The following ASTN1 variants were observed in gnomAD, a reference collection of about 807,000 sequenced individuals.
ASTN1 encodes the protein astrotactin-1.
Under a neutral mutation model 140.7 loss-of-function variants are expected in ASTN1, and 41 were observed. The observed-to-expected ratio is 0.29, with a 90% CI of 0.23 to 0.38. The LOEUF (loss-of-function observed/expected upper bound fraction) is 0.38, where lower values mean the gene tolerates loss of function less well. Among genes scored for constraint, ASTN1 ranks in the 10% least tolerant of loss-of-function variants. The pLI is 1.00. For synonymous variants in ASTN1, 640 were observed against 652.2 expected, an observed-to-expected ratio of 0.98 and a Z score of 0.29; for missense variants, 1,479 against 1,678.8, an observed-to-expected ratio of 0.88 and a Z score of 2.08.
At chr1:177,011,163 C>T (rs538727239) in intron 8 of ASTN1, among the ~76,000 whole-genome samples, 9 of 152,212 alleles carry the variant, frequency 5.9e-5, no homozygotes, top group South Asian at 4.2e-4. Flanking sequence ...CTCATGTCTC[C>T]GTACCTTTCT....
intron 2 of ASTN1, among the ~76,000 whole-genome samples, chr1:177,046,526 G>A (rs968160700): frequency 6.6e-6 from 1 of 152,180 alleles, no homozygotes; most frequent in African/African-American, 2.4e-5. Context: ...CGGGCTCTGG[G>A]AGGGGCCCTC....
At chr1:177,001,259 T>C (rs1187704133) in intron 8 of ASTN1, among the ~76,000 whole-genome samples, 1 of 152,224 alleles carries the variant, frequency 6.6e-6, no homozygotes, top group Admixed American at 6.5e-5. Flanking sequence ...TCTGCCTTCA[T>C]GGAATTTACA....
In ASTN1 at chr1:177,015,064, A is replaced by T. The variant is rs150030797; in HGVS notation, c.1439-189T>A. ...CTCACATAAATGAATACTCCAACCA[A>T]TCTCTCCCTTCTCCAGTGTGTGATA... On this transcript the variant is annotated intron_variant, in intron 7 of 22. Coordinates refer to ENST00000361833, the MANE Select transcript of ASTN1 (RefSeq NM_004319.3). Among the ~76,000 whole-genome samples the T allele has an allele frequency of 5.9e-5, 9 of 152,232 alleles. No individual in the cohort carries two copies. In the East Asian group the frequency reaches 1.7e-3, roughly 29 times the overall value.
intron 18 of ASTN1, 127 bp downstream of exon 18, chr1:176,887,944 C>A: frequency 7.6e-7 from 1 of 1,322,198 alleles, no homozygotes; most frequent in Non-Finnish European, 1.0e-6. Flanking sequence ...AGATTGAAAG[C>A]TCTCTAAAGG....
chr1:177,012,024 C>T lies in ASTN1; in HGVS notation c.1523+2767G>A, dbSNP rs137905825. Among the ~76,000 whole-genome samples, 421 of 152,206 alleles carry T rather than the reference C, an allele frequency of 2.8e-3. 4 individuals are homozygous for T. The Middle Eastern group carries it at 0.034, about 12-fold the overall frequency. ...AGGAATGTTCAGCTATTTTAATGTA[C>T]GCAATACAAGAATATGAAGTGAAAA... is the stretch of plus-strand genomic sequence containing the variant. On this transcript the variant is annotated intron_variant, in intron 8 of 22. Coordinates refer to ENST00000361833, the MANE Select transcript of ASTN1 (RefSeq NM_004319.3).
chr1:176,857,693 G>C, downstream of ASTN1: 1 of 543,262 alleles, frequency 1.8e-6, no homozygotes, highest in South Asian at 2.8e-5. Context: ...TAGTTTATAA[G>C]AGTCAGCACT....
intron 16 of ASTN1, among the ~76,000 whole-genome samples, chr1:176,911,291 A>T (rs1007723973): frequency 6.6e-6 from 1 of 152,020 alleles, no homozygotes; most frequent in Non-Finnish European, 1.5e-5. Context: ...ATTACAGTAC[A>T]CTCCTGCAGA....
intron 1 of ASTN1, among the ~76,000 whole-genome samples, chr1:177,116,639 C>G (rs1487320643): frequency 2.0e-5 from 3 of 152,100 alleles, no homozygotes; most frequent in African/African-American, 7.2e-5. Flanking sequence ...TCCTGTAATG[C>G]CTTCTGCCTC....
chr1:177,075,363 C>T (rs1055982832), intron 1 of ASTN1, among the ~76,000 whole-genome samples: 9 of 151,448 alleles, frequency 5.9e-5, no homozygotes, highest in Admixed American at 3.9e-4. Context: ...TGAGCCACTG[C>T]GCCCAGCCAT....
downstream of ASTN1, among the ~76,000 whole-genome samples, chr1:176,860,005 G>A (rs1442167243): frequency 2.0e-5 from 3 of 152,186 alleles, no homozygotes; most frequent in East Asian, 5.8e-4. Flanking sequence ...TCTTTGGCAT[G>A]GTTATCTGAG....
At chr1:177,115,326 T>C (rs1681030061) in intron 1 of ASTN1, among the ~76,000 whole-genome samples, 1 of 152,272 alleles carries the variant, frequency 6.6e-6, no homozygotes, top group Non-Finnish European at 1.5e-5. Context: ...TATGAGAAGA[T>C]ACATGTGCAA....
intron 8 of ASTN1, among the ~76,000 whole-genome samples, chr1:177,012,401 C>G (rs572609937): frequency 6.6e-5 from 10 of 152,270 alleles, no homozygotes; most frequent in Admixed American, 4.6e-4. Flanking sequence ...CTCCTGGTTC[C>G]ATTATCCTCA....
chr1:176,894,526 G>T (rs1669409155), intron 17 of ASTN1, 36 bp downstream of exon 17: 1 of 1,603,554 alleles, frequency 6.2e-7, no homozygotes, highest in African/African-American at 1.3e-5. Flanking sequence ...TGTTGTGGTT[G>T]ACGCCTCCCA....
In ASTN1 at chr1:176,944,099, C is replaced by T. The variant is rs143027888; in HGVS notation, c.2250-81G>A. ...TGAGCATTTTTTTTTTTTTTTGAGA[C>T]GGAGTTTCACTCTTGTTGCCCAGGC... On this transcript the variant is annotated intron_variant, in intron 13 of 22. Coordinates refer to ENST00000361833, the MANE Select transcript of ASTN1 (RefSeq NM_004319.3). 1,264 of 1,498,544 alleles carry T rather than the reference C, an allele frequency of 8.4e-4. 12 individuals are homozygous for T. The highest frequency in any genetic ancestry group is 5.5e-3 in the African/African-American group (383 of 69,488). The allele number at this position is 1,498,544 out of a possible 1,614,324, so 92.8% of individuals were successfully genotyped here.
rs907460564 is a variant in ASTN1, at chr1:176,958,374, C to T, written c.1707G>A (p.Met569Ile). The change falls in exon 10 of 23, where the codon ATG (methionine) becomes ATA (isoleucine). Residue 569 changes from methionine to isoleucine, a missense_variant. This residue lies in a region of ASTN1 where 729 missense variants were observed against 860.4 expected (regional missense o/e 0.85). Coordinates refer to ENST00000361833, the MANE Select transcript of ASTN1 (RefSeq NM_004319.3). The stretch of plus-strand genomic sequence containing the variant: ...CCTCCACAGCATCCTCCATCACAGT[C>T]ATGTCCGTCTTGCACTTTGCTGATG... ...INPSAKCKTDMTVMEDAVEVR... is the reference protein window; with the variant it reads ...INPSAKCKTDITVMEDAVEVR... 2 of 1,614,000 alleles carry T rather than the reference C, an allele frequency of 1.2e-6. No individual in the cohort carries two copies. The highest frequency in any genetic ancestry group is 1.3e-5 in the African/African-American group (1 of 74,936).
At chr1:176,972,832 A>C (rs542759006) in intron 8 of ASTN1, among the ~76,000 whole-genome samples, 1 of 152,220 alleles carries the variant, frequency 6.6e-6, no homozygotes, top group Non-Finnish European at 1.5e-5. Flanking sequence ...GTGTAAGTGC[A>C]GGAGCCAGAC....
intron 1 of ASTN1, among the ~76,000 whole-genome samples, chr1:177,121,896 G>A (rs1681406681): frequency 6.6e-6 from 1 of 152,208 alleles, no homozygotes; most frequent in African/African-American, 2.4e-5. Flanking sequence ...TGGTGGCCCT[G>A]CTGGCAGTGC....
At chr1:177,059,270 C>A (rs1401722730) in intron 2 of ASTN1, among the ~76,000 whole-genome samples, 1 of 152,022 alleles carries the variant, frequency 6.6e-6, no homozygotes, top group Non-Finnish European at 1.5e-5. Flanking sequence ...TTAGTCAGAC[C>A]ATATTATAAA....
chr1:176,946,234 AT>A, intron 12 of ASTN1, 114 bp from the exon 13 acceptor site: 2 of 1,019,148 alleles, frequency 2.0e-6, no homozygotes, highest in Non-Finnish European at 2.7e-6. Flanking sequence ...ATCACCAAAG[AT>A]TAGATTTCCA....
Sources: allele counts gnomAD v4.1 joint callset (sites outside exome capture counted in the v4.1 genomes callset), GRCh38; gene constraint gnomAD v4.1.1; regional missense constraint gnomAD v4.1.1; transcripts MANE v1.5; gene names NCBI Gene and HGNC (gene_info 2026-07-23, HGNC 2026-07-21).